EDRF1: variants seen among roughly 807,000 people sequenced by gnomAD.
EDRF1 encodes the protein erythroid differentiation regulatory factor 1, also known as erythroid differentiation-related factor 1.
In EDRF1, 69 loss-of-function variants were observed where a neutral mutation model predicts 148.7. The ratio of observed to expected loss-of-function variants is 0.46; its 90% CI spans 0.38 to 0.57. EDRF1 has a LOEUF of 0.57. Ranked by LOEUF, EDRF1 falls within the 20% of genes least tolerant of loss-of-function variation. The pLI is 0.00. For synonymous variants in EDRF1, 515 were observed against 532.8 expected (o/e 0.97, Z 0.46); for missense variants, 1,118 against 1,478.7 (o/e 0.76, Z 4.00).
rs201119751 is a variant in EDRF1 at position 125,735,776 on chromosome 10, G to A, written c.1630G>A (p.Asp544Asn). The A allele has an allele frequency of 6.5e-5, 105 of 1,613,706 alleles. No homozygotes were observed. Among genetic ancestry groups the A allele is most frequent in the Non-Finnish European group, 8.6e-5 (101 of 1,179,818 alleles). ...TAGTGAAGAGGAGGAAGAGATGCCC[G>A]ACAGTGATGAAAATGGATCCTATAG... ...SYSEEEEEMP[D>N]SDENGSYSTS... The change falls in exon 13 of 25, where the codon GAC becomes AAC. Residue 544 changes from aspartate (D) to asparagine (N), a missense_variant. Asp to Asn is a conservative substitution (Grantham distance 23, BLOSUM62 1). This residue lies in a region of EDRF1 where 954 missense variants were observed against 1,241.4 expected (regional missense o/e 0.77). Transcript: ENST00000356792.
chr10:125,738,061 G>T, intron 14 of EDRF1, 72 bp downstream of exon 14: 1 of 1,476,158 alleles, frequency 6.8e-7, no homozygotes. Flanking sequence ...CTTGTTTGTT[G>T]GTATCTAAAT....
chr10:125,734,521 A>T (rs1848637000), intron 12 of EDRF1, among the ~76,000 whole-genome samples: 1 of 152,072 alleles, frequency 6.6e-6, no homozygotes. Flanking sequence ...TCTGTATGTG[A>T]CTCATGTTAC....
chr10:125,753,620 G>T (rs1327215702), intron 23 of EDRF1, 74 bp from the exon 24 acceptor site: 1 of 1,529,824 alleles, frequency 6.5e-7, no homozygotes, highest in African/African-American at 1.4e-5. Flanking sequence ...TGAAACTGCA[G>T]TTCCATCACT....
At position 125,747,985 on chromosome 10, in the gene EDRF1, C is replaced by T. The variant is rs908895983; in HGVS notation, c.3096C>T (p.Ser1032=). The part of the protein sequence containing the change: ...RAATIHHRLA[S]MYHSCLRNQV... ...CAACCATCCATCACAGGCTGGCCTCCATGTACCACAGCTGTCTGAGGAATC... is the reference window on the plus strand; with the variant it reads ...CAACCATCCATCACAGGCTGGCCTCTATGTACCACAGCTGTCTGAGGAATC... Residue 1032 remains serine (S), a synonymous_variant, in exon 21 of 25, where the codon TCC becomes TCT. Coordinates refer to ENST00000356792, the MANE Select transcript of EDRF1 (RefSeq NM_001202438.2). The T allele has an allele frequency of 2.5e-6, 4 of 1,614,072 alleles. No individual in the cohort carries two copies. Among genetic ancestry groups the T allele is most frequent in the Non-Finnish European group, 3.4e-6 (4 of 1,180,054 alleles).
chr10:125,721,913 G>A (rs1848025890), intron 2 of EDRF1, among the ~76,000 whole-genome samples: 1 of 152,154 alleles, frequency 6.6e-6, no homozygotes, highest in Admixed American at 6.5e-5. Flanking sequence ...AGTAGCCTGA[G>A]GTCTTATAGA....
chr10:125,759,732 A>G (rs1332661779), intron 24 of EDRF1, among the ~76,000 whole-genome samples: 2 of 151,016 alleles, frequency 1.3e-5, no homozygotes, highest in Non-Finnish European at 2.9e-5. Context: ...TTTTTTTGAG[A>G]CAGAGTCTCG....
intron 21 of EDRF1, 105 bp from the exon 22 acceptor site, chr10:125,749,307 A>G: frequency 7.9e-7 from 1 of 1,266,034 alleles, no homozygotes; most frequent in Non-Finnish European, 1.2e-6. Flanking sequence ...AAAACTAATA[A>G]GACCTAGTAA....
chr10:125,722,951 G>A (rs1848077397), intron 2 of EDRF1, 117 bp from the exon 3 acceptor site: 3 of 921,958 alleles, frequency 3.3e-6, no homozygotes, highest in Non-Finnish European at 5.4e-6. Context: ...TTTCAGAGTT[G>A]TTAAAATGTG....
At chr10:125,740,735 C>G (rs1402404254) in intron 16 of EDRF1, 84 bp downstream of exon 16, 2 of 1,403,896 alleles carry the variant, frequency 1.4e-6, no homozygotes, top group Admixed American at 3.4e-5. Context: ...GAAGTTTACT[C>G]CTATTTTTCT....
intron 9 of EDRF1, among the ~76,000 whole-genome samples, 168 bp from the exon 10 acceptor site, chr10:125,733,236 T>C (rs192963180): frequency 1.3e-5 from 2 of 152,270 alleles, no homozygotes; most frequent in East Asian, 3.9e-4. Context: ...ATGAGATTCC[T>C]TTGGGAGGCT....
chr10:125,733,921 A>C (rs1432918568), intron 11 of EDRF1, 151 bp from the exon 12 acceptor site: 16 of 869,056 alleles, frequency 1.8e-5, no homozygotes, highest in Non-Finnish European at 3.0e-5. Context: ...CCATAGTATA[A>C]ACGTTTTGGG....
chr10:125,749,649 A>G (rs2133748296), intron 22 of EDRF1, 84 bp downstream of exon 22: 1 of 1,491,498 alleles, frequency 6.7e-7, no homozygotes, highest in South Asian at 1.1e-5. Context: ...CTGTGAATCT[A>G]AATAATACTA....
intron 24 of EDRF1, among the ~76,000 whole-genome samples, chr10:125,754,414 G>A (rs1468495480): frequency 2.6e-5 from 4 of 152,146 alleles, no homozygotes; most frequent in African/African-American, 9.7e-5. Context: ...TGTTGTTAAC[G>A]TTTTCCTTGA....
At chr10:125,722,105 G>A (rs1848037087) in intron 2 of EDRF1, among the ~76,000 whole-genome samples, 1 of 152,176 alleles carries the variant, frequency 6.6e-6, no homozygotes, top group African/African-American at 2.4e-5. Flanking sequence ...GAAAATAAAA[G>A]TTATATTTGC....
At chr10:125,738,556 G>C in intron 15 of EDRF1, 111 bp downstream of exon 15, 1 of 1,293,602 alleles carries the variant, frequency 7.7e-7, no homozygotes, top group Non-Finnish European at 1.1e-6. Context: ...TTGAGAAAAA[G>C]ATATCCTGTG....
intron 18 of EDRF1, chr10:125,745,109 A>AG (rs1849278711): frequency 6.2e-6 from 1 of 160,952 alleles, no homozygotes; most frequent in East Asian, 1.7e-4. Context: ...TGCTGGACAA[A>AG]GGGATGGTTC....
At position 125,753,803 on chromosome 10, in the gene EDRF1, T is replaced by C; in HGVS notation, c.3503T>C (p.Leu1168Pro). The C allele has an allele frequency of 6.2e-7, 1 of 1,613,680 alleles. No homozygotes were observed. The highest frequency in any genetic ancestry group is 8.5e-7 in the Non-Finnish European group (1 of 1,180,004). ...IFESRLSFLL[L>P]QSIKLLSSTK... ...GAGTCTCGGTTGTCATTTCTTCTCCTTCAGTCCATTAAACTGCTATCTTCA... is the reference window on the plus strand; with the variant it reads ...GAGTCTCGGTTGTCATTTCTTCTCCCTCAGTCCATTAAACTGCTATCTTCA... The change falls in exon 24 of 25, where the codon CTT becomes CCT. Residue 1168 changes from leucine to proline, a missense_variant. Leu to Pro is a moderately conservative substitution (Grantham distance 98). Transcript: ENST00000356792.
At chr10:125,738,559 A>G in intron 15 of EDRF1, 114 bp downstream of exon 15, 6 of 1,291,550 alleles carry the variant, frequency 4.6e-6, no homozygotes, top group Non-Finnish European at 6.6e-6. Flanking sequence ...AGAAAAAGAT[A>G]TCCTGTGAAC....
intron 18 of EDRF1, among the ~76,000 whole-genome samples, chr10:125,744,155 G>A (rs1564745173): frequency 6.6e-6 from 1 of 152,054 alleles, no homozygotes; most frequent in Non-Finnish European, 1.5e-5. Flanking sequence ...AGGGGCTGAG[G>A]TAGAACTGAG....
Sources: gnomAD v4.1 joint callset for allele counts (sites outside exome capture counted in the v4.1 genomes callset) on GRCh38, gnomAD v4.1.1 for gene constraint, gnomAD v4.1.1 regional missense constraint, MANE v1.5 for transcripts, NCBI Gene and HGNC (gene_info 2026-07-23, HGNC 2026-07-21) for gene names.